UTRN: variants seen among roughly 807,000 people sequenced by gnomAD.
The protein encoded by UTRN is utrophin.
UTRN carries 283 observed loss-of-function variants against 463.9 expected under a neutral mutation model. That is an observed-to-expected ratio of 0.61 (90% CI 0.55 to 0.67). The LOEUF (loss-of-function observed/expected upper bound fraction) is 0.67. Ranked by LOEUF, UTRN falls within the 30% of genes least tolerant of loss-of-function variation. The pLI is 0.00. For synonymous variants in UTRN, 1,442 were observed against 1,431.5 expected (o/e 1.01, Z -0.17); for missense variants, 3,922 against 4,084.3 (o/e 0.96, Z 1.08).
chr6:144,557,336 A>C lies in UTRN; in HGVS notation c.7289+25A>C. ...GGTAAGTCTAAGGCCCTGGCAGGTAAATGTATATTGTCAAGTTGAGAATTT... is the reference window on the plus strand; with the variant it reads ...GGTAAGTCTAAGGCCCTGGCAGGTACATGTATATTGTCAAGTTGAGAATTT... On this transcript the variant is annotated intron_variant, in intron 50 of 74. Coordinates refer to ENST00000367545, the MANE Select transcript of UTRN (RefSeq NM_007124.3). The C allele has an allele frequency of 1.9e-6, 3 of 1,596,442 alleles. 1 individual carries two copies. In the South Asian group the frequency reaches 3.4e-5, roughly 18 times the overall value.
chr6:144,812,311 C>T (rs548868882), intron 65 of UTRN, among the ~76,000 whole-genome samples: 1 of 152,134 alleles, frequency 6.6e-6, no homozygotes, highest in African/African-American at 2.4e-5. Flanking sequence ...TTTGAGCTGA[C>T]CTAGTAAAGC....
In UTRN at chr6:144,740,515, T is replaced by C. The variant is rs73593813; in HGVS notation, c.7940-7731T>C. 7.6e-3 allele frequency among the ~76,000 whole-genome samples: 1,156 copies of C among 152,314 alleles called. 9 individuals are homozygous for C. Among genetic ancestry groups the C allele is most frequent in the African/African-American group, 0.025 (1,023 of 41,578 alleles). ...CAGGCCTATAGACCACGACAATAAT[T>C]TCATTAGCTTCTCAAGTCCAAATTA... On this transcript the variant is annotated intron_variant, in intron 54 of 74. Transcript: ENST00000367545.
chr6:144,533,016 G>T (rs919346918), intron 42 of UTRN, 69 bp from the exon 43 acceptor site: 3 of 796,036 alleles, frequency 3.8e-6, no homozygotes, highest in Non-Finnish European at 6.2e-6. Flanking sequence ...CACAATACTT[G>T]GGTGGATTCA....
chr6:144,340,312 G>A (rs928848190), intron 2 of UTRN, among the ~76,000 whole-genome samples: 2 of 152,238 alleles, frequency 1.3e-5, no homozygotes, highest in Non-Finnish European at 1.5e-5. Context: ...GCGAGGTATA[G>A]TTGTATTAGT....
At chr6:144,748,551 G>C (rs1460444423) in intron 55 of UTRN, 37 bp downstream of exon 55, 5 of 1,589,416 alleles carry the variant, frequency 3.1e-6, no homozygotes, top group Non-Finnish European at 4.3e-6. Flanking sequence ...TTTAAGAAAT[G>C]TTTTCTTGTT....
intron 3 of UTRN, among the ~76,000 whole-genome samples, chr6:144,412,786 C>T (rs978797565): frequency 2.5e-4 from 37 of 149,762 alleles, no homozygotes; most frequent in Non-Finnish European, 4.7e-4. Flanking sequence ...CACACACACA[C>T]ACACAGTAAA....
intron 52 of UTRN, among the ~76,000 whole-genome samples, chr6:144,686,137 C>G (rs540191743): frequency 6.6e-6 from 1 of 152,228 alleles, no homozygotes; most frequent in South Asian, 2.1e-4. Flanking sequence ...TTCCCAGCAT[C>G]ATTTATTGAA....
At chr6:144,703,558 A>C (rs1562791146) in intron 53 of UTRN, among the ~76,000 whole-genome samples, 1 of 152,232 alleles carries the variant, frequency 6.6e-6, no homozygotes, top group Non-Finnish European at 1.5e-5. Flanking sequence ...GAAACTGAGA[A>C]GGAAGAGCCA....
intron 2 of UTRN, among the ~76,000 whole-genome samples, chr6:144,364,406 G>T (rs1779336624): frequency 6.6e-6 from 1 of 152,116 alleles, no homozygotes; most frequent in Non-Finnish European, 1.5e-5. Flanking sequence ...CTTTGTTTTG[G>T]GTTGGTTTGT....
chr6:144,341,643 T>C (rs1777145754), intron 2 of UTRN, among the ~76,000 whole-genome samples: 1 of 152,244 alleles, frequency 6.6e-6, no homozygotes, highest in Non-Finnish European at 1.5e-5. Context: ...CAGTTATGAC[T>C]ATTTACTGAC....
chr6:144,704,671 A>G (rs1369708578), intron 53 of UTRN, among the ~76,000 whole-genome samples: 1 of 152,182 alleles, frequency 6.6e-6, no homozygotes, highest in African/African-American at 2.4e-5. Flanking sequence ...AGCTTAAAAG[A>G]TGAATTTTCT....
chr6:144,310,449 T>C (rs905989470), intron 2 of UTRN, among the ~76,000 whole-genome samples: 2 of 151,202 alleles, frequency 1.3e-5, no homozygotes, highest in African/African-American at 2.4e-5. Flanking sequence ...GGCAGGAGAA[T>C]CGCTTGAACC....
At chr6:144,662,730 C>G (rs1779997878) in intron 51 of UTRN, among the ~76,000 whole-genome samples, 1 of 152,148 alleles carries the variant, frequency 6.6e-6, no homozygotes, top group Admixed American at 6.5e-5. Context: ...AGCAGGCCTT[C>G]CAATGGTGGC....
intron 51 of UTRN, among the ~76,000 whole-genome samples, chr6:144,646,897 A>G (rs1778359593): frequency 1.3e-5 from 2 of 152,160 alleles, no homozygotes; most frequent in South Asian, 2.1e-4. Flanking sequence ...GTGAGACCCA[A>G]TGTGGTGGGT....
chr6:144,846,202 G>C (rs954942901), intron 73 of UTRN, among the ~76,000 whole-genome samples: 1 of 152,234 alleles, frequency 6.6e-6, no homozygotes, highest in Non-Finnish European at 1.5e-5. Flanking sequence ...TGAGCTATCT[G>C]TGTGGAAAGG....
intron 9 of UTRN, among the ~76,000 whole-genome samples, chr6:144,430,314 A>G (rs1198497255): frequency 2.6e-5 from 4 of 152,176 alleles, no homozygotes; most frequent in African/African-American, 7.2e-5. Flanking sequence ...AAATAAAATC[A>G]TAATTTATTT....
intron 45 of UTRN, among the ~76,000 whole-genome samples, chr6:144,540,003 A>G (rs943021434): frequency 3.3e-5 from 5 of 150,498 alleles, no homozygotes; most frequent in African/African-American, 1.2e-4. Flanking sequence ...CAGTCACACC[A>G]CTGGACCCCA....
chr6:144,439,628 G>A (rs1163665347), intron 12 of UTRN, among the ~76,000 whole-genome samples: 6 of 152,082 alleles, frequency 3.9e-5, no homozygotes, highest in Non-Finnish European at 8.8e-5. Flanking sequence ...AAGTAGCTGG[G>A]ACTACAGGCG....
At chr6:144,632,313 G>GA (rs1252937596) in intron 51 of UTRN, among the ~76,000 whole-genome samples, 1 of 152,100 alleles carries the variant, frequency 6.6e-6, no homozygotes, top group African/African-American at 2.4e-5. Context: ...TACTGACACT[G>GA]AAAAAGAAAT....
Sources: allele counts gnomAD v4.1 joint callset (sites outside exome capture counted in the v4.1 genomes callset), GRCh38; gene constraint gnomAD v4.1.1; transcripts MANE v1.5; gene names NCBI Gene and HGNC (gene_info 2026-07-23, HGNC 2026-07-21).